STX3: variants seen among roughly 807,000 people sequenced by gnomAD.
STX3 encodes syntaxin 3.
A neutral mutation model predicts 40.2 loss-of-function variants in STX3; 19 were observed. The ratio of observed to expected loss-of-function variants is 0.47; its 90% CI spans 0.33 to 0.69. The LOEUF (loss-of-function observed/expected upper bound fraction) is 0.69, where lower values mean the gene tolerates loss of function less well. Ranked by LOEUF, STX3 falls within the 30% of genes least tolerant of loss-of-function variation. STX3 has a pLI of 0.02. For synonymous variants in STX3, 122 were observed against 132.2 expected (o/e 0.92, Z 0.53); for missense variants, 364 against 366.7 (o/e 0.99, Z 0.06).
chr11:59,755,309 A>C (rs2957223), upstream of STX3: 23,238 of 259,350 alleles, frequency 0.09, 1,500 homozygotes, highest in African/African-American at 0.19. Context: ...AGAAGGAGCG[A>C]GGGGCGCGGC....
intron 1 of STX3, among the ~76,000 whole-genome samples, chr11:59,763,045 ACTGTC>A (rs1420450062): frequency 6.6e-6 from 1 of 152,212 alleles, no homozygotes; most frequent in Non-Finnish European, 1.5e-5. Context: ...GGGCTAAAGC[ACTGTC>A]CTCACGTGTC....
chr11:59,802,273 G>T lies in STX3; in HGVS notation c.*1449G>T. On this transcript the variant is annotated 3_prime_UTR_variant, in exon 11 of 11. Coordinates refer to ENST00000337979, the MANE Select transcript of STX3 (RefSeq NM_004177.5). Reference sequence around the variant, plus strand: ...AGCCGCTAGGAAATCTTCAAGTGTAGTGTCTGTGCTAACCCAGTGGTAAAT... The same window carrying T: ...AGCCGCTAGGAAATCTTCAAGTGTATTGTCTGTGCTAACCCAGTGGTAAAT... 2 of 985,478 alleles carry T rather than the reference G, an allele frequency of 2.0e-6. No homozygotes were observed. The highest frequency in any genetic ancestry group is 2.4e-6 in the Non-Finnish European group (2 of 829,966). The allele number at this position is 985,478 out of a possible 1,614,324, so 61.0% of individuals were successfully genotyped here. A position where few individuals can be genotyped will look rare whatever the true frequency, so the allele number is the denominator to read the frequency against.
In STX3 at chr11:59,797,285, A is replaced by G; in HGVS notation, c.789A>G (p.Lys263=). 5.0e-6 allele frequency: 8 copies of G among 1,612,654 alleles called. No homozygotes were observed. The highest frequency in any genetic ancestry group is 6.8e-6 in the Non-Finnish European group (8 of 1,178,772). Residue 263 remains lysine, a splice_region_variant and synonymous_variant, in exon 10 of 11, where the codon AAA becomes AAG. Coordinates refer to ENST00000337979, the MANE Select transcript of STX3 (RefSeq NM_004177.5). ...TTTTGTCTTATTCCTCTCTCCAGAA[A>G]TTGATAATTATCATTGTGCTAGTAG... is the stretch of plus-strand genomic sequence containing the variant. ...AVKYQSQARK[K]LIIIIVLVVV...
intron 1 of STX3, among the ~76,000 whole-genome samples, chr11:59,759,001 G>A (rs775816055): frequency 2.6e-5 from 4 of 152,210 alleles, no homozygotes; most frequent in Non-Finnish European, 5.9e-5. Context: ...GGAAGACCCT[G>A]TTGGCCAGTC....
At chr11:59,796,055 A>C (rs968569187) in intron 9 of STX3, among the ~76,000 whole-genome samples, 3 of 152,028 alleles carry the variant, frequency 2.0e-5, no homozygotes, top group Admixed American at 1.3e-4. Flanking sequence ...CCTTCTCTTC[A>C]TTGTCTTCCA....
intron 5 of STX3, 137 bp downstream of exon 5, chr11:59,790,723 A>C: frequency 3.0e-6 from 2 of 670,658 alleles, no homozygotes; most frequent in Non-Finnish European, 5.1e-6. Flanking sequence ...AGAACTCTCC[A>C]GGTTGAAATA....
intron 10 of STX3, chr11:59,800,089 A>G: frequency 2.0e-6 from 2 of 985,394 alleles, no homozygotes; most frequent in Non-Finnish European, 2.4e-6. Flanking sequence ...ACTAATTAAT[A>G]TGTTGTTTTT....
intron 1 of STX3, among the ~76,000 whole-genome samples, chr11:59,764,839 T>C (rs921954356): frequency 2.6e-5 from 4 of 151,864 alleles, no homozygotes; most frequent in African/African-American, 9.7e-5. Context: ...AATTAATACA[T>C]TTGAAACCAC....
intron 4 of STX3, 172 bp downstream of exon 4, chr11:59,789,119 T>G: frequency 3.7e-6 from 2 of 544,412 alleles, no homozygotes; most frequent in Non-Finnish European, 6.5e-6. Context: ...CCCCAGAAAT[T>G]TACCTTTTCT....
intron 4 of STX3, among the ~76,000 whole-genome samples, chr11:59,789,428 C>G (rs1173362038): frequency 6.6e-6 from 1 of 151,174 alleles, no homozygotes; most frequent in East Asian, 1.9e-4. Context: ...TCTTATTTCC[C>G]TGGCAACTAC....
intron 2 of STX3, among the ~76,000 whole-genome samples, chr11:59,783,364 G>A (rs1160343800): frequency 1.3e-5 from 2 of 152,134 alleles, no homozygotes; most frequent in African/African-American, 4.8e-5. Context: ...CCTCAGTTTT[G>A]CCTCTTTCTG....
intron 7 of STX3, 25 bp downstream of exon 7, chr11:59,793,197 G>T (rs748491085): frequency 6.2e-6 from 10 of 1,612,078 alleles, no homozygotes; most frequent in Non-Finnish European, 7.6e-6. Context: ...TGCTCGGATA[G>T]CACATCCCTC....
chr11:59,771,820 T>G (rs749740766), intron 1 of STX3, among the ~76,000 whole-genome samples: 1 of 152,104 alleles, frequency 6.6e-6, no homozygotes, highest in Non-Finnish European at 1.5e-5. Flanking sequence ...TAAGCTATCA[T>G]TGGATGATGT....
intron 6 of STX3, among the ~76,000 whole-genome samples, chr11:59,792,653 C>T (rs559072726): frequency 7.9e-5 from 12 of 152,148 alleles, no homozygotes; most frequent in African/African-American, 2.6e-4. Context: ...AGGCAGGGCC[C>T]CGTGGAGTGG....
chr11:59,768,905 G>A (rs1337191084), intron 1 of STX3, among the ~76,000 whole-genome samples: 1 of 152,132 alleles, frequency 6.6e-6, no homozygotes, highest in Non-Finnish European at 1.5e-5. Flanking sequence ...TTACATGTGT[G>A]TAACTTTACA....
chr11:59,793,191 C>T lies in STX3; in HGVS notation c.540+19C>T, dbSNP rs148265260. ...TTCTGGGGTGAGTGCCCTGTGTGCTCGGATAGCACATCCCTCTCGTGAGCA... is the reference window on the plus strand; with the variant it reads ...TTCTGGGGTGAGTGCCCTGTGTGCTTGGATAGCACATCCCTCTCGTGAGCA... On this transcript the variant is annotated intron_variant, in intron 7 of 10. Transcript: ENST00000337979. 17 of 1,612,024 alleles carry T rather than the reference C, an allele frequency of 1.1e-5. No individual in the cohort carries two copies. The highest frequency in any genetic ancestry group is 1.3e-5 in the African/African-American group (1 of 75,016).
intron 7 of STX3, 36 bp from the exon 8 acceptor site, chr11:59,793,344 A>T (rs1565188997): frequency 1.2e-6 from 2 of 1,603,938 alleles, no homozygotes; most frequent in Non-Finnish European, 1.7e-6. Flanking sequence ...CCTTTCTTGC[A>T]GGGGTAGCTA....
chr11:59,757,333 A>G (rs1471330406), intron 1 of STX3, among the ~76,000 whole-genome samples: 2 of 152,126 alleles, frequency 1.3e-5, no homozygotes, highest in Non-Finnish European at 2.9e-5. Flanking sequence ...CAGCAACCAT[A>G]AAAAAGTACA....
Position 59,755,379 on chromosome 11 carries a change from T to A in STX3, c.-227T>A. 2.9e-6 allele frequency: 1 copy of A among 349,758 alleles called. No homozygotes were observed. Among genetic ancestry groups the A allele is most frequent in the Non-Finnish European group, 5.0e-6 (1 of 201,418 alleles). 21.7% of individuals were successfully genotyped at this position (349,758 alleles called of 1,614,324 possible). A position where few individuals can be genotyped will look rare whatever the true frequency, so the allele number is the denominator to read the frequency against. On this transcript the variant is annotated 5_prime_UTR_variant, in exon 1 of 11. Coordinates refer to ENST00000337979, the MANE Select transcript of STX3 (RefSeq NM_004177.5). ...CGCCGGCGCCGGCCCGGGAGCCGGA[T>A]TTGGAGCGCGAGGCGCCGGTGGGGG...
Sources: allele counts gnomAD v4.1 joint callset (sites outside exome capture counted in the v4.1 genomes callset), GRCh38; gene constraint gnomAD v4.1.1; transcripts MANE v1.5; gene names NCBI Gene and HGNC (gene_info 2026-07-23, HGNC 2026-07-21).